The following VWA8 variants were observed in gnomAD, a reference collection of about 807,000 sequenced individuals.
VWA8 encodes the protein von Willebrand factor A domain-containing protein 8.
VWA8 carries 221 observed loss-of-function variants against 241.5 expected under a neutral mutation model. The ratio of observed to expected loss-of-function variants is 0.91; its 90% CI spans 0.82 to 1.02. The LOEUF is 1.02. Among genes scored for constraint, VWA8 ranks in the 50% least tolerant of loss-of-function variants. VWA8 has a pLI of 0.00. For synonymous variants in VWA8, 852 were observed against 827.1 expected (o/e 1.03, Z -0.52); for missense variants, 2,322 against 2,328.7 (o/e 1.00, Z 0.06).
At chr13:41,721,702 A>ATTGTT in intron 24 of VWA8, 127 bp from the exon 25 acceptor site, 3 of 931,506 alleles carry the variant, frequency 3.2e-6, no homozygotes, top group Non-Finnish European at 4.7e-6. Flanking sequence ...ATCCAACAAT[A>ATTGTT]GGATGGTACA....
chr13:41,701,380 A>G lies in VWA8; in HGVS notation c.3364+12T>C. ...TGCAGGAAGGAAAGATCAAAAGAAT[A>G]AGCAGACATACCATGTGATGTAGCA... is the stretch of plus-strand genomic sequence containing the variant. On this transcript the variant is annotated intron_variant, in intron 28 of 44. Transcript: ENST00000379310. The G allele has an allele frequency of 6.3e-7, 1 of 1,580,356 alleles. No individual in the cohort carries two copies.
intron 21 of VWA8, among the ~76,000 whole-genome samples, chr13:41,737,579 T>C (rs575115789): frequency 6.6e-5 from 10 of 152,364 alleles, no homozygotes; most frequent in South Asian, 6.2e-4. Context: ...TAGGAGGGTA[T>C]AGAATTTTGA....
intron 37 of VWA8, among the ~76,000 whole-genome samples, chr13:41,631,364 G>A (rs79522950): frequency 0.033 from 5,021 of 151,944 alleles, 279 homozygotes; most frequent in African/African-American, 0.11. Context: ...TGTTAGCTCC[G>A]GGTTATTCTT....
In VWA8 at chr13:41,865,945, A is replaced by G; in HGVS notation, c.1304T>C (p.Met435Thr). ...LSHKQLQAEMMQSHMVKDICL... is the reference protein window; with the variant it reads ...LSHKQLQAEMTQSHMVKDICL... Reference sequence around the variant, plus strand: ...TATATCTTTAACCATGTGAGACTGCATCATTTCAGCCTGTAGCTGCTTATG... The same window carrying G: ...TATATCTTTAACCATGTGAGACTGCGTCATTTCAGCCTGTAGCTGCTTATG... The change falls in exon 11 of 45, where the codon ATG (methionine) becomes ACG (threonine). Residue 435 changes from methionine to threonine, a missense_variant. Met to Thr is a moderately conservative substitution (Grantham distance 81). Transcript: ENST00000379310. 2.5e-6 allele frequency: 4 copies of G among 1,614,228 alleles called. No homozygotes were observed. The highest frequency in any genetic ancestry group is 2.5e-6 in the Non-Finnish European group (3 of 1,180,046).
rs1873410719 is a variant in VWA8, at chr13:41,868,382, C to A, written c.1176G>T (p.Val392=). The change falls in exon 10 of 45, where the codon GTG becomes GTT. Residue 392 remains valine, a synonymous_variant. Coordinates refer to ENST00000379310, the MANE Select transcript of VWA8 (RefSeq NM_015058.2). ...CCTCTTTATCTGCAATCCGGATGGT[C>A]ACAGAAGCTTGGGACACATGGTTTT... ...MMENHVSQAS[V]TIRIADKEVT... The A allele has an allele frequency of 6.2e-7, 1 of 1,614,050 alleles. No homozygotes were observed. Among genetic ancestry groups the A allele is most frequent in the Non-Finnish European group, 8.5e-7 (1 of 1,180,000 alleles).
At position 41,685,227 on chromosome 13, in the gene VWA8, A is replaced by C; in HGVS notation, c.4147T>G (p.Tyr1383Asp). The part of the protein sequence containing the change: ...FPDLMSPSEV[Y>D]SWKRPSSLHK... Reference sequence around the variant, plus strand: ...AAAGATGATGGTCTCTTCCAAGAATAAACTTCACTGGGTGACTGAAAAAAA... The same window carrying C: ...AAAGATGATGGTCTCTTCCAAGAATCAACTTCACTGGGTGACTGAAAAAAA... The change falls in exon 35 of 45, where the codon TAT becomes GAT. Residue 1383 changes from tyrosine to aspartate, a missense_variant. Transcript: ENST00000379310. The C allele has an allele frequency of 6.2e-7, 1 of 1,612,238 alleles. No individual in the cohort carries two copies. The highest frequency in any genetic ancestry group is 8.5e-7 in the Non-Finnish European group (1 of 1,179,344).
chr13:41,891,310 G>C, intron 5 of VWA8, 110 bp downstream of exon 5: 2 of 1,283,832 alleles, frequency 1.6e-6, no homozygotes, highest in Admixed American at 2.2e-5. Flanking sequence ...CCAAGATAAG[G>C]GCCATCTGAA....
At chr13:41,621,159 G>A (rs1484418344) in intron 37 of VWA8, among the ~76,000 whole-genome samples, 2 of 152,078 alleles carry the variant, frequency 1.3e-5, no homozygotes, top group African/African-American at 4.8e-5. Flanking sequence ...CAACTATTTT[G>A]CTTTTCACTT....
At chr13:41,875,596 G>C (rs1873860141) in intron 9 of VWA8, among the ~76,000 whole-genome samples, 1 of 151,798 alleles carries the variant, frequency 6.6e-6, no homozygotes, top group African/African-American at 2.4e-5. Context: ...ACTGATCTTG[G>C]TAGGTCCATC....
chr13:41,715,967 T>C (rs966100678), intron 26 of VWA8, among the ~76,000 whole-genome samples: 5 of 152,136 alleles, frequency 3.3e-5, no homozygotes, highest in South Asian at 2.1e-4. Context: ...TCAACCCCCA[T>C]ATAAAGCATA....
At chr13:41,898,832 C>T (rs1007922532) in intron 4 of VWA8, among the ~76,000 whole-genome samples, 1 of 152,174 alleles carries the variant, frequency 6.6e-6, no homozygotes, top group Non-Finnish European at 1.5e-5. Flanking sequence ...GGTGCTAAGT[C>T]CCTCATTGCC....
intron 37 of VWA8, among the ~76,000 whole-genome samples, chr13:41,617,943 T>C (rs2044632384): frequency 1.3e-5 from 2 of 152,072 alleles, no homozygotes; most frequent in Non-Finnish European, 2.9e-5. Flanking sequence ...AACATACGTG[T>C]GCATGTGTCT....
At chr13:41,887,014 A>G (rs552753993) in intron 6 of VWA8, among the ~76,000 whole-genome samples, 183 bp downstream of exon 6, 12 of 152,330 alleles carry the variant, frequency 7.9e-5, no homozygotes, top group African/African-American at 2.9e-4. Context: ...AAAATCCTTC[A>G]AATAATGCCA....
chr13:41,882,316 C>G (rs1417624614), intron 9 of VWA8, among the ~76,000 whole-genome samples: 3 of 150,810 alleles, frequency 2.0e-5, no homozygotes, highest in Admixed American at 2.0e-4. Context: ...CCTCACTTTC[C>G]AGACTGGGCA....
chr13:41,790,206 T>G (rs1308845184), intron 17 of VWA8, among the ~76,000 whole-genome samples: 2 of 152,052 alleles, frequency 1.3e-5, no homozygotes, highest in African/African-American at 4.8e-5. Context: ...AAACCAAAAA[T>G]AAATCCCCAA....
chr13:41,951,300 C>T (rs1878126646), intron 1 of VWA8, among the ~76,000 whole-genome samples: 1 of 152,068 alleles, frequency 6.6e-6, no homozygotes, highest in Non-Finnish European at 1.5e-5. Flanking sequence ...ACCTGTAATC[C>T]CAGCTACTTG....
At chr13:41,625,329 T>A (rs571565073) in intron 37 of VWA8, among the ~76,000 whole-genome samples, 9 of 152,068 alleles carry the variant, frequency 5.9e-5, no homozygotes, top group Middle Eastern at 6.8e-3. Flanking sequence ...CGCAACCTAC[T>A]CATCTGACAA....
intron 17 of VWA8, among the ~76,000 whole-genome samples, chr13:41,797,242 G>A (rs775521716): frequency 6.1e-5 from 9 of 147,084 alleles, no homozygotes; most frequent in Non-Finnish European, 1.0e-4. Context: ...GGGTTTCACC[G>A]TCTTGGCCAA....
intron 28 of VWA8, among the ~76,000 whole-genome samples, chr13:41,700,623 G>T (rs745650712): frequency 6.6e-6 from 1 of 152,140 alleles, no homozygotes; most frequent in Admixed American, 6.5e-5. Context: ...ATTAAATGCA[G>T]TTCAGTCTTT....
Sources: allele counts gnomAD v4.1 joint callset (sites outside exome capture counted in the v4.1 genomes callset), GRCh38; gene constraint gnomAD v4.1.1; transcripts MANE v1.5; gene names NCBI Gene and HGNC (gene_info 2026-07-23, HGNC 2026-07-21).